The following KCNN2 variants were observed in gnomAD, a reference collection of about 807,000 sequenced individuals.
KCNN2 encodes the protein potassium calcium-activated channel subfamily N member 2, also known as small conductance calcium-activated potassium channel protein 2.
Under a neutral mutation model 55.5 loss-of-function variants are expected in KCNN2, and 24 were observed. The ratio of observed to expected loss-of-function variants is 0.43; its 90% CI spans 0.31 to 0.61. The LOEUF is 0.61. KCNN2 is among the 20% of genes least tolerant of loss of function. The pLI is 0.08. For missense variants in KCNN2, 754 were observed against 853.6 expected (o/e 0.88, Z 1.45); for synonymous variants, 431 against 336.1 (o/e 1.28, Z -3.09).
At chr5:114,366,059 A>G (rs1757590539) in intron 2 of KCNN2, among the ~76,000 whole-genome samples, 1 of 152,228 alleles carries the variant, frequency 6.6e-6, no homozygotes. Flanking sequence ...ATTTGAAAAA[A>G]TTGATGTCAT....
chr5:114,097,403 G>C (rs1751280878), intron 1 of KCNN2, among the ~76,000 whole-genome samples: 1 of 152,130 alleles, frequency 6.6e-6, no homozygotes. Context: ...AACTGTCTCT[G>C]TGTCCTGTAG....
intron 2 of KCNN2, among the ~76,000 whole-genome samples, chr5:114,377,532 C>T (rs963803253): frequency 3.3e-5 from 5 of 152,162 alleles, no homozygotes; most frequent in Non-Finnish European, 2.9e-5. Context: ...CTGGCTGGGC[C>T]TGTCACTGTC....
At chr5:114,137,820 A>G (rs1037407247) in intron 1 of KCNN2, among the ~76,000 whole-genome samples, 3 of 152,158 alleles carry the variant, frequency 2.0e-5, no homozygotes, top group East Asian at 3.8e-4. Context: ...AATATTTTAT[A>G]TGGGAAAAAT....
chr5:114,321,107 A>T (rs1756606083), intron 2 of KCNN2, among the ~76,000 whole-genome samples: 2 of 152,124 alleles, frequency 1.3e-5, no homozygotes, highest in African/African-American at 4.8e-5. Context: ...TTGCATAGAG[A>T]GGTCCTTTTA....
At chr5:114,072,080 G>A (rs1750581105) in intron 1 of KCNN2, among the ~76,000 whole-genome samples, 1 of 152,136 alleles carries the variant, frequency 6.6e-6, no homozygotes, top group Non-Finnish European at 1.5e-5. Context: ...ATCACCTGAG[G>A]TCGGGAGTTC....
intron 2 of KCNN2, among the ~76,000 whole-genome samples, chr5:114,254,304 C>T (rs1580664648): frequency 6.6e-6 from 1 of 152,038 alleles, no homozygotes; most frequent in African/African-American, 2.4e-5. Flanking sequence ...AACATCTCCA[C>T]AAGAAGAGGA....
At chr5:114,418,574 G>A (rs1338355350) in intron 3 of KCNN2, among the ~76,000 whole-genome samples, 1 of 152,104 alleles carries the variant, frequency 6.6e-6, no homozygotes, top group Admixed American at 6.5e-5. Context: ...GGGCAAGTGG[G>A]GCTGGCGGGG....
intron 3 of KCNN2, among the ~76,000 whole-genome samples, chr5:114,458,008 A>G (rs1363947115): frequency 2.0e-5 from 3 of 152,198 alleles, no homozygotes; most frequent in African/African-American, 7.2e-5. Context: ...CAAATTACAC[A>G]GTAATTGACA....
chr5:114,136,705 A>T (rs979064105), intron 1 of KCNN2, among the ~76,000 whole-genome samples: 2 of 152,238 alleles, frequency 1.3e-5, no homozygotes, highest in African/African-American at 4.8e-5. Context: ...TATTTCAATC[A>T]CAAGACTGTA....
intron 2 of KCNN2, among the ~76,000 whole-genome samples, chr5:114,252,494 T>A (rs73260088): frequency 0.067 from 10,255 of 152,138 alleles, 380 homozygotes; most frequent in African/African-American, 0.1. Flanking sequence ...CCCTCTCTGT[T>A]TTCTCTCTCA....
intron 1 of KCNN2, among the ~76,000 whole-genome samples, chr5:114,097,608 C>T (rs765281634): frequency 6.6e-6 from 1 of 152,160 alleles, no homozygotes; most frequent in Non-Finnish European, 1.5e-5. Context: ...AGGTAGCAGA[C>T]AATTAAACAT....
rs1041831656 is a variant in KCNN2, at chr5:114,362,647, A to C, written c.508A>C (p.Thr170Pro). The C allele has an allele frequency of 8.6e-6, 11 of 1,284,494 alleles. No homozygotes were observed. The highest frequency in any genetic ancestry group is 1.1e-5 in the Non-Finnish European group (11 of 967,676). 79.6% of individuals were successfully genotyped at this position (1,284,494 alleles called of 1,614,324 possible). The stretch of plus-strand genomic sequence containing the variant: ...CAGCCTGCAGCCCGCCGCCAGCCCC[A>C]CGGGCAGCCTCGGCAGTCTGGGCTC... ...CHSLQPAASP[T>P]GSLGSLGSGP... Residue 170 changes from threonine (T) to proline (P), a missense_variant, in exon 1 of 8, where the codon ACG becomes CCG. This residue lies in a region of KCNN2 where 381 missense variants were observed against 259.1 expected (regional missense o/e 1.47). Coordinates refer to ENST00000673685, the MANE Select transcript of KCNN2 (RefSeq NM_021614.4).
chr5:114,408,325 G>A (rs1360998237), intron 3 of KCNN2, among the ~76,000 whole-genome samples: 1 of 151,988 alleles, frequency 6.6e-6, no homozygotes, highest in Non-Finnish European at 1.5e-5. Context: ...TTAAGGGAAG[G>A]AGCTGAGGCC....
chr5:114,083,822 C>G (rs1289460537), intron 1 of KCNN2, among the ~76,000 whole-genome samples: 2 of 152,044 alleles, frequency 1.3e-5, no homozygotes, highest in African/African-American at 4.8e-5. Flanking sequence ...CCTAAAAATC[C>G]TCTGTGCTGA....
intron 2 of KCNN2, among the ~76,000 whole-genome samples, chr5:114,292,551 A>G (rs1755916893): frequency 6.6e-6 from 1 of 152,064 alleles, no homozygotes. Context: ...ATTGGTCTAT[A>G]TCTCTGTTTT....
intron 3 of KCNN2, among the ~76,000 whole-genome samples, chr5:114,461,003 A>G (rs1006047828): frequency 2.6e-5 from 4 of 152,166 alleles, no homozygotes; most frequent in Non-Finnish European, 4.4e-5. Context: ...GGTGAGGAAT[A>G]CTTACTAGAG....
chr5:114,472,699 T>C (rs1221275638), intron 4 of KCNN2, among the ~76,000 whole-genome samples: 1 of 152,230 alleles, frequency 6.6e-6, no homozygotes, highest in African/African-American at 2.4e-5. Context: ...ACATTTATGC[T>C]AATCTACTCA....
At chr5:114,246,416 T>C (rs1452268309) in intron 2 of KCNN2, among the ~76,000 whole-genome samples, 1 of 152,216 alleles carries the variant, frequency 6.6e-6, no homozygotes, top group East Asian at 1.9e-4. Context: ...AGGTCATTTT[T>C]CATGGTTATG....
chr5:114,074,462 T>G (rs1229370432), intron 1 of KCNN2, among the ~76,000 whole-genome samples: 1 of 152,136 alleles, frequency 6.6e-6, no homozygotes, highest in Non-Finnish European at 1.5e-5. Context: ...GCAGGCAAAG[T>G]AGAGGAAAAC....
Sources: allele counts gnomAD v4.1 joint callset (sites outside exome capture counted in the v4.1 genomes callset), GRCh38; gene constraint gnomAD v4.1.1; regional missense constraint gnomAD v4.1.1; transcripts MANE v1.5; gene names NCBI Gene and HGNC (gene_info 2026-07-23, HGNC 2026-07-21).